Variants in CNTNAP2 observed in about 807,000 individuals in gnomAD.
The protein encoded by CNTNAP2 is contactin associated protein 2, also known as contactin-associated protein-like 2.
In CNTNAP2, 98 loss-of-function variants were observed where a neutral mutation model predicts 155.2. The ratio of observed to expected loss-of-function variants is 0.63; its 90% confidence interval spans 0.54 to 0.75. The LOEUF (loss-of-function observed/expected upper bound fraction) is 0.75. Ranked by LOEUF, CNTNAP2 falls within the 30% of genes least tolerant of loss-of-function variation. The pLI is 0.00. For missense variants in CNTNAP2, 1,727 were observed against 1,688.1 expected (o/e 1.02, Z -0.40); for synonymous variants, 651 against 631.2 (o/e 1.03, Z -0.47).
intron 13 of CNTNAP2, among the ~76,000 whole-genome samples, chr7:147,792,437 G>A (rs2116575112): frequency 6.6e-6 from 1 of 152,096 alleles, no homozygotes; most frequent in Middle Eastern, 3.4e-3. Context: ...TGCAATATGT[G>A]GCATTTTGTG....
intron 13 of CNTNAP2, among the ~76,000 whole-genome samples, chr7:147,753,360 G>T (rs1797168749): frequency 6.6e-6 from 1 of 152,142 alleles, no homozygotes; most frequent in Non-Finnish European, 1.5e-5. Flanking sequence ...TCTTTCTGAG[G>T]CCCTAGTCAC....
At chr7:147,795,552 T>C (rs1379510730) in intron 13 of CNTNAP2, among the ~76,000 whole-genome samples, 1 of 152,120 alleles carries the variant, frequency 6.6e-6, no homozygotes, top group Admixed American at 6.6e-5. Context: ...ACATTGCTCT[T>C]CCATTTTAAA....
intron 1 of CNTNAP2, among the ~76,000 whole-genome samples, chr7:146,390,507 T>C (rs565538656): frequency 2.0e-5 from 3 of 151,522 alleles, no homozygotes; most frequent in Non-Finnish European, 4.4e-5. Flanking sequence ...CTTAAACTCT[T>C]CAAGTATGTC....
intron 20 of CNTNAP2, among the ~76,000 whole-genome samples, chr7:148,251,221 C>T (rs1196903934): frequency 1.3e-5 from 2 of 152,190 alleles, no homozygotes; most frequent in Non-Finnish European, 2.9e-5. Flanking sequence ...GAGGTTCCCA[C>T]TACTCCCTCA....
chr7:147,842,353 G>A (rs1798757583), intron 13 of CNTNAP2, among the ~76,000 whole-genome samples: 1 of 152,276 alleles, frequency 6.6e-6, no homozygotes, highest in African/African-American at 2.4e-5. Context: ...TCATAAGATA[G>A]TACAGCCAGT....
intron 21 of CNTNAP2, among the ~76,000 whole-genome samples, chr7:148,330,790 A>AATGGATGG (rs138812754): frequency 3.6e-4 from 47 of 132,178 alleles, no homozygotes; most frequent in Admixed American, 9.0e-4. Flanking sequence ...TGATGGATGG[A>AATGGATGG]ATGGATGGAT....
intron 8 of CNTNAP2, among the ~76,000 whole-genome samples, chr7:147,261,349 T>C (rs1268719064): frequency 1.3e-5 from 2 of 152,202 alleles, no homozygotes; most frequent in East Asian, 1.9e-4. Context: ...TGATTATGCA[T>C]AAAAATTACC....
chr7:147,199,251 C>T (rs918170458), intron 8 of CNTNAP2, among the ~76,000 whole-genome samples: 4 of 152,006 alleles, frequency 2.6e-5, no homozygotes, highest in African/African-American at 7.2e-5. Flanking sequence ...CGTGAGCCAC[C>T]GCGCCCGGCC....
intron 13 of CNTNAP2, among the ~76,000 whole-genome samples, chr7:147,811,250 A>G (rs935358517): frequency 2.6e-5 from 4 of 152,094 alleles, no homozygotes; most frequent in African/African-American, 9.7e-5. Context: ...ACGTGCAACC[A>G]CGCTCAGCTG....
intron 13 of CNTNAP2, among the ~76,000 whole-genome samples, chr7:147,873,275 A>C (rs1332454719): frequency 6.6e-6 from 1 of 152,208 alleles, no homozygotes; most frequent in Non-Finnish European, 1.5e-5. Context: ...GAAAAATGTA[A>C]AATATAAAAT....
intron 21 of CNTNAP2, among the ~76,000 whole-genome samples, chr7:148,299,220 G>A (rs1233587862): frequency 6.6e-6 from 1 of 151,990 alleles, no homozygotes; most frequent in Non-Finnish European, 1.5e-5. Context: ...TCAATCTCCC[G>A]ACCTTGTGAT....
At chr7:146,412,425 A>G (rs1795880004) in intron 1 of CNTNAP2, among the ~76,000 whole-genome samples, 1 of 152,230 alleles carries the variant, frequency 6.6e-6, no homozygotes, top group Admixed American at 6.5e-5. Flanking sequence ...TCAGGGAAAG[A>G]AATTCCTTGT....
chr7:147,102,217 C>G (rs1800670453), intron 4 of CNTNAP2, among the ~76,000 whole-genome samples: 1 of 146,078 alleles, frequency 6.8e-6, no homozygotes, highest in East Asian at 2.0e-4. Context: ...CTATATGATA[C>G]TGCCACTGCA....
intron 15 of CNTNAP2, among the ~76,000 whole-genome samples, chr7:147,985,306 C>T (rs906591359): frequency 2.6e-5 from 4 of 151,668 alleles, no homozygotes; most frequent in Non-Finnish European, 5.9e-5. Context: ...GAGTGGTAAT[C>T]CCTCTGGGGC....
At position 146,462,103 on chromosome 7, in the gene CNTNAP2, G is replaced by T. The variant is rs543805695; in HGVS notation, c.98-312168G>T. ...TCTCTGAGGCTTGAATGAGTTAGAA[G>T]ACCTCCGAAAAATAGGTGATATGAT... is the stretch of plus-strand genomic sequence containing the variant. On this transcript the variant is annotated intron_variant, in intron 1 of 23. Transcript: ENST00000361727. Among the ~76,000 whole-genome samples, 32 of 152,190 alleles carry T rather than the reference G, an allele frequency of 2.1e-4. No individual in the cohort carries two copies. In the South Asian group the frequency reaches 5.8e-3, roughly 28 times the overall value.
chr7:146,903,128 A>T (rs532575754), intron 3 of CNTNAP2, among the ~76,000 whole-genome samples: 1 of 152,350 alleles, frequency 6.6e-6, no homozygotes, highest in African/African-American at 2.4e-5. Flanking sequence ...ACCATTAAAC[A>T]GGGTATTGTT....
intron 2 of CNTNAP2, among the ~76,000 whole-genome samples, chr7:146,810,162 C>T (rs939969873): frequency 6.6e-6 from 1 of 152,200 alleles, no homozygotes; most frequent in Admixed American, 6.5e-5. Flanking sequence ...ATCAGAAATG[C>T]ATGGGTGGGT....
intron 13 of CNTNAP2, among the ~76,000 whole-genome samples, chr7:147,875,005 C>G (rs1799399217): frequency 6.6e-6 from 1 of 152,196 alleles, no homozygotes; most frequent in Non-Finnish European, 1.5e-5. Flanking sequence ...ATATCACTAT[C>G]AGCATTTTGG....
At chr7:146,753,422 AT>A (rs1563216905) in intron 1 of CNTNAP2, among the ~76,000 whole-genome samples, 1 of 152,072 alleles carries the variant, frequency 6.6e-6, no homozygotes, top group African/African-American at 2.4e-5. Flanking sequence ...TGTGTTTTCC[AT>A]GATGACCTAT....
Sources: gnomAD v4.1 joint callset for allele counts (sites outside exome capture counted in the v4.1 genomes callset) on GRCh38, gnomAD v4.1.1 for gene constraint, MANE v1.5 for transcripts, NCBI Gene and HGNC (gene_info 2026-07-23, HGNC 2026-07-21) for gene names.